Variants in RSU1 observed in about 807,000 individuals in gnomAD.
The protein encoded by RSU1 is rsu-1.
Under a neutral mutation model 31.1 loss-of-function variants are expected in RSU1, and 26 were observed. That is an observed-to-expected ratio of 0.84 (90% CI 0.61 to 1.16). The LOEUF is 1.16. Ranked by LOEUF, RSU1 falls within the 50% of genes most tolerant of loss-of-function variation. RSU1 has a pLI of 0.00. For synonymous variants in RSU1, 164 were observed against 136.3 expected, an observed-to-expected ratio of 1.20 and a Z score of -1.41; for missense variants, 320 against 339.1, an observed-to-expected ratio of 0.94 and a Z score of 0.44.
intron 7 of RSU1, among the ~76,000 whole-genome samples, chr10:16,738,936 C>T (rs962145338): frequency 3.9e-5 from 6 of 151,956 alleles, no homozygotes; most frequent in African/African-American, 1.4e-4. Context: ...CATTCAACTC[C>T]CACTTATGAA....
chr10:16,608,399 G>T (rs1172781417), intron 8 of RSU1, among the ~76,000 whole-genome samples: 1 of 150,762 alleles, frequency 6.6e-6, no homozygotes, highest in Non-Finnish European at 1.5e-5. Context: ...AGGAATCAAC[G>T]CCAGAAAATA....
intron 2 of RSU1, among the ~76,000 whole-genome samples, chr10:16,790,343 C>T (rs1176210597): frequency 6.6e-6 from 1 of 152,044 alleles, no homozygotes; most frequent in Admixed American, 6.6e-5. Flanking sequence ...TAAAAAATGT[C>T]CTGGTTTGGA....
chr10:16,756,013 G>A (rs1221346944), intron 4 of RSU1, among the ~76,000 whole-genome samples: 3 of 152,168 alleles, frequency 2.0e-5, no homozygotes, highest in Non-Finnish European at 4.4e-5. Context: ...ACTTCCCTAT[G>A]AACGTAGTGA....
intron 3 of RSU1, 71 bp from the exon 4 acceptor site, chr10:16,764,581 T>C (rs1423896919): frequency 6.7e-7 from 1 of 1,481,558 alleles, no homozygotes; most frequent in South Asian, 1.4e-5. Flanking sequence ...GCGGCACATT[T>C]TGTTTTTCTT....
At chr10:16,767,877 C>A (rs1270383307) in intron 3 of RSU1, among the ~76,000 whole-genome samples, 1 of 152,152 alleles carries the variant, frequency 6.6e-6, no homozygotes, top group Admixed American at 6.5e-5. Context: ...ACCAAACTCT[C>A]TGAAAAAAAT....
rs1426003554 is a variant in RSU1, at chr10:16,659,680, A to C, written c.731+35343T>G. 3.9e-5 allele frequency among the ~76,000 whole-genome samples: 6 copies of C among 152,196 alleles called. No homozygotes were observed. The East Asian group carries it at 1.2e-3, about 29-fold the overall frequency. ...TAACAGACCTTAATGTCTCTAAGGC[A>C]AGACAGCCCATCTCTACTACTTTGG... On this transcript the variant is annotated intron_variant, in intron 8 of 8. Transcript: ENST00000345264.
chr10:16,677,783 C>T (rs1021584108), intron 8 of RSU1, among the ~76,000 whole-genome samples: 4 of 152,122 alleles, frequency 2.6e-5, no homozygotes, highest in African/African-American at 9.7e-5. Flanking sequence ...CTTTTATTGA[C>T]AACATTTACA....
At chr10:16,645,501 A>G (rs554474844) in intron 8 of RSU1, among the ~76,000 whole-genome samples, 17 of 152,194 alleles carry the variant, frequency 1.1e-4, no homozygotes, top group African/African-American at 4.1e-4. Context: ...CATCTCTCAT[A>G]AATCAAAGAT....
At chr10:16,771,383 G>T (rs1046049795) in intron 3 of RSU1, among the ~76,000 whole-genome samples, 1 of 152,170 alleles carries the variant, frequency 6.6e-6, no homozygotes, top group African/African-American at 2.4e-5. Context: ...ATGACATGGG[G>T]CATCCATGGT....
At chr10:16,808,510 A>AGTG (rs1838328742) in intron 2 of RSU1, among the ~76,000 whole-genome samples, 1 of 149,322 alleles carries the variant, frequency 6.7e-6, no homozygotes, top group Non-Finnish European at 1.5e-5. Context: ...AAAAAAACAA[A>AGTG]GTGAACTCCG....
intron 8 of RSU1, among the ~76,000 whole-genome samples, chr10:16,620,717 T>C (rs562827652): frequency 2.4e-4 from 36 of 151,960 alleles, no homozygotes; most frequent in East Asian, 3.9e-4. Context: ...TGGTGATGGG[T>C]GCCTGTAGTC....
chr10:16,707,999 C>T (rs1256781242), intron 7 of RSU1, among the ~76,000 whole-genome samples: 2 of 151,980 alleles, frequency 1.3e-5, no homozygotes, highest in East Asian at 1.9e-4. Context: ...GTGTTCTTGC[C>T]ACCATTATGA....
chr10:16,667,904 G>A (rs1835028265), intron 8 of RSU1, among the ~76,000 whole-genome samples: 1 of 152,094 alleles, frequency 6.6e-6, no homozygotes, highest in Non-Finnish European at 1.5e-5. Flanking sequence ...CGTAATCTGA[G>A]CCTAAAAGTT....
chr10:16,689,487 TG>T (rs1309530201), intron 8 of RSU1, among the ~76,000 whole-genome samples: 2 of 152,224 alleles, frequency 1.3e-5, no homozygotes, highest in African/African-American at 4.8e-5. Context: ...CATTACAGCT[TG>T]TAACAGGTTT....
At chr10:16,748,772 C>T (rs1564342915) in intron 7 of RSU1, among the ~76,000 whole-genome samples, 1 of 152,132 alleles carries the variant, frequency 6.6e-6, no homozygotes, top group African/African-American at 2.4e-5. Flanking sequence ...GGACCTCCCT[C>T]CTTCCTTTAA....
At chr10:16,610,350 T>C (rs537824723) in intron 8 of RSU1, among the ~76,000 whole-genome samples, 4 of 152,328 alleles carry the variant, frequency 2.6e-5, no homozygotes, top group South Asian at 2.1e-4. Flanking sequence ...TTTTAAAGGC[T>C]GACGGCCCCT....
chr10:16,778,285 C>G (rs1049104910), intron 3 of RSU1, among the ~76,000 whole-genome samples: 8 of 149,976 alleles, frequency 5.3e-5, no homozygotes, highest in Non-Finnish European at 1.1e-4. Context: ...AAACAGAAGT[C>G]TGTGGCAGCC....
chr10:16,761,729 G>C lies in RSU1; in HGVS notation c.281+2661C>G, dbSNP rs538977550. 1.8e-4 allele frequency among the ~76,000 whole-genome samples: 28 copies of C among 152,150 alleles called. No individual in the cohort carries two copies. In the South Asian group the frequency reaches 5.6e-3, roughly 30 times the overall value. On this transcript the variant is annotated intron_variant, in intron 4 of 8. Coordinates refer to ENST00000345264, the MANE Select transcript of RSU1 (RefSeq NM_012425.4). ...AAATTAGCTGGGCGTGGTGGCAGGC[G>C]CCTGTAGTCCCAGCTACTTGGGAGG... is the stretch of plus-strand genomic sequence containing the variant.
At chr10:16,704,453 A>C (rs186348463) in intron 7 of RSU1, among the ~76,000 whole-genome samples, 1 of 152,252 alleles carries the variant, frequency 6.6e-6, no homozygotes. Context: ...GTATTTAAAA[A>C]CCAATTTATC....
Sources: allele counts gnomAD v4.1 joint callset (sites outside exome capture counted in the v4.1 genomes callset), GRCh38; gene constraint gnomAD v4.1.1; transcripts MANE v1.5; gene names NCBI Gene and HGNC (gene_info 2026-07-23, HGNC 2026-07-21).